The following CNTN5 variants were observed in gnomAD, a reference collection of about 807,000 sequenced individuals.
The protein encoded by CNTN5 is contactin 5.
CNTN5 carries 77 observed loss-of-function variants against 129.1 expected under a neutral mutation model. The observed-to-expected ratio is 0.60, with a 90% CI of 0.50 to 0.72. The LOEUF (loss-of-function observed/expected upper bound fraction) is 0.72. CNTN5 is among the 30% of genes least tolerant of loss of function. The pLI is 0.00. For synonymous variants in CNTN5, 509 were observed against 465.6 expected, an observed-to-expected ratio of 1.09 and a Z score of -1.20; for missense variants, 1,478 against 1,328.8, an observed-to-expected ratio of 1.11 and a Z score of -1.75.
chr11:100,107,844 A>G (rs1945503262), intron 13 of CNTN5, among the ~76,000 whole-genome samples: 2 of 152,110 alleles, frequency 1.3e-5, no homozygotes, highest in South Asian at 2.1e-4. Flanking sequence ...ATATAAGCCT[A>G]TATAGATATA....
At chr11:100,149,157 A>G (rs1946960046) in intron 13 of CNTN5, among the ~76,000 whole-genome samples, 1 of 152,218 alleles carries the variant, frequency 6.6e-6, no homozygotes, top group Admixed American at 6.5e-5. Flanking sequence ...TCTGTGAAGC[A>G]TCACTTTTCA....
chr11:99,989,007 T>C (rs1482533567), intron 8 of CNTN5, among the ~76,000 whole-genome samples: 3 of 152,182 alleles, frequency 2.0e-5, no homozygotes, highest in South Asian at 2.1e-4. Flanking sequence ...AGGTGATTTA[T>C]GATTAATTTG....
chr11:99,573,733 G>C (rs1030104186), intron 3 of CNTN5, among the ~76,000 whole-genome samples: 1 of 151,932 alleles, frequency 6.6e-6, no homozygotes, highest in Non-Finnish European at 1.5e-5. Flanking sequence ...GGGTTCAAGA[G>C]ATTCTCCTGC....
At chr11:100,028,200 A>T (rs1479615402) in intron 9 of CNTN5, among the ~76,000 whole-genome samples, 1 of 152,206 alleles carries the variant, frequency 6.6e-6, no homozygotes, top group Non-Finnish European at 1.5e-5. Flanking sequence ...CATTCCTTAA[A>T]AAAAAAATCT....
chr11:99,613,904 T>C (rs1424770194), intron 3 of CNTN5, among the ~76,000 whole-genome samples: 1 of 152,238 alleles, frequency 6.6e-6, no homozygotes, highest in African/African-American at 2.4e-5. Context: ...TAATTTTAGA[T>C]GTTTAAAATC....
chr11:99,889,310 GT>G (rs1565642569), intron 6 of CNTN5, among the ~76,000 whole-genome samples: 1,278 of 112,448 alleles, frequency 0.011, 36 homozygotes, highest in African/African-American at 0.034. Context: ...GTGTGTGTGT[GT>G]GTGTGTGTGT....
chr11:99,284,067 C>G (rs1344515930), intron 1 of CNTN5, among the ~76,000 whole-genome samples: 2 of 152,222 alleles, frequency 1.3e-5, no homozygotes, highest in South Asian at 4.1e-4. Flanking sequence ...TAGCAATTGA[C>G]TCTATACACA....
chr11:99,957,052 T>C (rs781749561), intron 8 of CNTN5, 43 bp downstream of exon 8: 1 of 1,550,426 alleles, frequency 6.4e-7, no homozygotes. Context: ...AACTCTAATT[T>C]GGAAAATAAA....
intron 9 of CNTN5, among the ~76,000 whole-genome samples, chr11:100,011,531 T>A (rs1036994153): frequency 2.0e-5 from 3 of 152,152 alleles, no homozygotes; most frequent in Non-Finnish European, 2.9e-5. Context: ...CAAAAGGCCT[T>A]GAACCTGTTA....
chr11:99,259,494 T>C (rs1482703603), intron 1 of CNTN5, among the ~76,000 whole-genome samples: 1 of 151,918 alleles, frequency 6.6e-6, no homozygotes, highest in Non-Finnish European at 1.5e-5. Context: ...TCCAATTCAC[T>C]CCTTTAAATT....
At chr11:100,197,024 A>G (rs938229715) in intron 15 of CNTN5, among the ~76,000 whole-genome samples, 2 of 151,982 alleles carry the variant, frequency 1.3e-5, no homozygotes, top group African/African-American at 4.8e-5. Flanking sequence ...CCAGAGAACT[A>G]TGTGCATTCA....
chr11:99,292,376 T>C lies in CNTN5; in HGVS notation c.-209-32970T>C, dbSNP rs184299057. On this transcript the variant is annotated intron_variant, in intron 1 of 24. Coordinates refer to ENST00000524871, the MANE Select transcript of CNTN5 (RefSeq NM_014361.4). ...TCTGGGGATGTAAAAAGAAAGACTT[T>C]CCAGTGAAATCAAAGGAAAGACCAC... Among the ~76,000 whole-genome samples, 36 of 150,550 alleles carry C rather than the reference T, an allele frequency of 2.4e-4. 1 individual carries two copies. The highest frequency in any genetic ancestry group is 2.3e-3 in the Admixed American group (35 of 15,228).
chr11:99,575,318 G>A (rs1258517103), intron 3 of CNTN5, among the ~76,000 whole-genome samples: 1 of 152,166 alleles, frequency 6.6e-6, no homozygotes, highest in Non-Finnish European at 1.5e-5. Context: ...GCTGTTGGCA[G>A]TGGTCTGAGA....
intron 1 of CNTN5, among the ~76,000 whole-genome samples, chr11:99,053,386 C>A (rs971723084): frequency 6.6e-6 from 1 of 151,870 alleles, no homozygotes; most frequent in African/African-American, 2.4e-5. Flanking sequence ...CTTCTGGGGT[C>A]TTATGCAACT....
intron 1 of CNTN5, among the ~76,000 whole-genome samples, chr11:99,221,707 A>T (rs1860405430): frequency 6.6e-6 from 1 of 151,956 alleles, no homozygotes; most frequent in African/African-American, 2.4e-5. Context: ...ACCTATAATG[A>T]TCTCCAAATA....
intron 6 of CNTN5, among the ~76,000 whole-genome samples, chr11:99,868,847 G>T (rs539617914): frequency 6.6e-6 from 1 of 152,266 alleles, no homozygotes; most frequent in African/African-American, 2.4e-5. Flanking sequence ...GAGGGGACAC[G>T]TATAGGTTTT....
chr11:99,408,474 GAA>G (rs1312669436), intron 2 of CNTN5, among the ~76,000 whole-genome samples: 1 of 137,404 alleles, frequency 7.3e-6, no homozygotes, highest in African/African-American at 2.6e-5. Context: ...AAGAAAGAAA[GAA>G]AGAAAGAAAG....
At chr11:99,917,589 C>G (rs1386618196) in intron 7 of CNTN5, among the ~76,000 whole-genome samples, 1 of 152,048 alleles carries the variant, frequency 6.6e-6, no homozygotes. Flanking sequence ...TGATCCATCA[C>G]TAGACTGACA....
chr11:99,558,849 T>A (rs1164083671), intron 3 of CNTN5, among the ~76,000 whole-genome samples: 1 of 152,104 alleles, frequency 6.6e-6, no homozygotes, highest in Non-Finnish European at 1.5e-5. Context: ...TCTTTAATCA[T>A]CATATCTGCG....
Sources: gnomAD v4.1 joint callset for allele counts (sites outside exome capture counted in the v4.1 genomes callset) on GRCh38, gnomAD v4.1.1 for gene constraint, MANE v1.5 for transcripts, NCBI Gene and HGNC (gene_info 2026-07-23, HGNC 2026-07-21) for gene names.